The following PRKAG2 variants were observed in gnomAD, a reference collection of about 807,000 sequenced individuals.
The protein encoded by PRKAG2 is 5'-AMP-activated protein kinase subunit gamma-2.
In PRKAG2, 26 loss-of-function variants were observed where a neutral mutation model predicts 69.6. That is an observed-to-expected ratio of 0.37 (90% CI 0.27 to 0.52). The LOEUF is 0.52. PRKAG2 is among the 20% of genes least tolerant of loss of function. PRKAG2 has a pLI of 0.90. For missense variants in PRKAG2, 557 were observed against 740.0 expected (o/e 0.75, Z 2.87); for synonymous variants, 293 against 285.0 (o/e 1.03, Z -0.28).
Position 151,778,965 on chromosome 7 carries a change from AAC to A in PRKAG2, c.466+2185_466+2186del, listed in dbSNP as rs150597786. On this transcript the variant is annotated intron_variant, in intron 3 of 15. Transcript: ENST00000287878. ...CACACATACATCTATACAAATCCAA[AAC>A]ACACACACACACACCCATATATGCT... 2.9e-3 allele frequency among the ~76,000 whole-genome samples: 443 copies of A among 151,520 alleles called. 3 individuals carry two copies. Among genetic ancestry groups the A allele is most frequent in the African/African-American group, 9.4e-3 (387 of 41,332 alleles).
At chr7:151,564,332 C>G in intron 13 of PRKAG2, 108 bp from the exon 14 acceptor site, 1 of 1,220,706 alleles carries the variant, frequency 8.2e-7, no homozygotes, top group Middle Eastern at 2.5e-4. Flanking sequence ...TAATGCTTAT[C>G]TGAATTTAGT....
At position 151,849,048 on chromosome 7, in the gene PRKAG2, G is replaced by A. The variant is rs148346414; in HGVS notation, c.114+27459C>T. 5.6e-4 allele frequency among the ~76,000 whole-genome samples: 85 copies of A among 152,304 alleles called. No homozygotes were observed. The East Asian group carries it at 0.014, about 25-fold the overall frequency. On this transcript the variant is annotated intron_variant, in intron 1 of 15. Transcript: ENST00000287878. ...CACGGTTCCTCTCCCAATGGCTCCT[G>A]CAGGGTGTTCTGAACGAAAATGGGT...
chr7:151,671,016 A>G (rs913373668), intron 4 of PRKAG2, among the ~76,000 whole-genome samples: 6 of 152,142 alleles, frequency 3.9e-5, no homozygotes, highest in South Asian at 2.1e-4. Context: ...TCTACTAAAA[A>G]TATAAAAATT....
chr7:151,562,931 G>A (rs777388094), intron 14 of PRKAG2, among the ~76,000 whole-genome samples: 19 of 149,458 alleles, frequency 1.3e-4, no homozygotes, highest in Non-Finnish European at 2.7e-4. Flanking sequence ...CTCCAGCCTC[G>A]GCGACAGAGC....
At chr7:151,664,279 C>T (rs888394511) in intron 4 of PRKAG2, among the ~76,000 whole-genome samples, 6 of 152,162 alleles carry the variant, frequency 3.9e-5, no homozygotes, top group Admixed American at 2.0e-4. Flanking sequence ...TAACTTTACA[C>T]AATTTTATCT....
intron 3 of PRKAG2, among the ~76,000 whole-genome samples, chr7:151,695,819 G>C (rs1836519355): frequency 6.6e-6 from 1 of 152,136 alleles, no homozygotes; most frequent in South Asian, 2.1e-4. Flanking sequence ...GTTCTTAGCT[G>C]TCCCTGGCCT....
intron 1 of PRKAG2, among the ~76,000 whole-genome samples, chr7:151,829,574 A>G: frequency 6.6e-6 from 1 of 152,022 alleles, no homozygotes; most frequent in East Asian, 1.9e-4. Context: ...TTGTACACAA[A>G]TGTTTGTAGC....
chr7:151,716,257 C>T (rs1225337568), intron 3 of PRKAG2, among the ~76,000 whole-genome samples: 1 of 152,128 alleles, frequency 6.6e-6, no homozygotes, highest in South Asian at 2.1e-4. Flanking sequence ...TTAAGAAAAC[C>T]GGAGATTAGA....
chr7:151,747,781 G>A (rs2074385683), intron 3 of PRKAG2, among the ~76,000 whole-genome samples: 1 of 152,086 alleles, frequency 6.6e-6, no homozygotes, highest in South Asian at 2.1e-4. Context: ...CACTCTTTCA[G>A]ATTGGCTTTA....
At chr7:151,666,134 C>A (rs1831016996) in intron 4 of PRKAG2, among the ~76,000 whole-genome samples, 1 of 152,214 alleles carries the variant, frequency 6.6e-6, no homozygotes, top group African/African-American at 2.4e-5. Flanking sequence ...TCACCAAAAA[C>A]TCAGTGGCTT....
At chr7:151,651,483 T>C (rs1248159290) in intron 4 of PRKAG2, among the ~76,000 whole-genome samples, 1 of 152,162 alleles carries the variant, frequency 6.6e-6, no homozygotes, top group African/African-American at 2.4e-5. Context: ...GGCGAGTGCC[T>C]GTAATCCCAG....
chr7:151,825,361 A>C (rs886467351), intron 1 of PRKAG2, among the ~76,000 whole-genome samples: 3 of 152,234 alleles, frequency 2.0e-5, no homozygotes, highest in Admixed American at 1.3e-4. Context: ...ACTTTATATT[A>C]TTCTCTGATT....
In PRKAG2 at chr7:151,814,665, G is replaced by T. The variant is rs917474452; in HGVS notation, c.115-28124C>A. 1.6e-6 allele frequency: 2 copies of T among 1,231,730 alleles called. No individual in the cohort carries two copies. The highest frequency in any genetic ancestry group is 1.0e-6 in the Non-Finnish European group (1 of 988,020). 76.3% of individuals were successfully genotyped at this position (1,231,730 alleles called of 1,614,324 possible). The stretch of plus-strand genomic sequence containing the variant: ...ATGTCTGCAACAGATGGGGACCGGG[G>T]CTGGGTGTGTTCCCAGTCCCCAAGG... On this transcript the variant is annotated intron_variant, in intron 1 of 15. Coordinates refer to ENST00000287878, the MANE Select transcript of PRKAG2 (RefSeq NM_016203.4). This position sits in a 1 kb window ranked among gnomAD's most constrained non-coding sequence, Gnocchi z 4.8.
chr7:151,790,586 C>A (rs577627032), intron 1 of PRKAG2: 1 of 152,246 alleles, frequency 6.6e-6, no homozygotes, highest in Non-Finnish European at 1.5e-5. Flanking sequence ...CACCCTCTTG[C>A]GCCTGCAGCA....
Position 151,556,803 on chromosome 7 carries a change from G to GC in PRKAG2, c.*397dup. 1 of 198,276 alleles carries GC rather than the reference G, an allele frequency of 5.0e-6. No homozygotes were observed. The highest frequency in any genetic ancestry group is 1.0e-5 in the Non-Finnish European group (1 of 95,942). The allele number at this position is 198,276 out of a possible 1,614,324, so 12.3% of individuals were successfully genotyped here. A position where few individuals can be genotyped will look rare whatever the true frequency, so the allele number is the denominator to read the frequency against. On this transcript the variant is annotated 3_prime_UTR_variant, in exon 16 of 16. Transcript: ENST00000287878. ...GCTCGGTGTTGTTTCACACGCGTGC[G>GC]CCCCGGCTGCGGCGGTGACATATTG...
chr7:151,824,311 C>T (rs2151867836), intron 1 of PRKAG2, among the ~76,000 whole-genome samples: 1 of 152,320 alleles, frequency 6.6e-6, no homozygotes, highest in East Asian at 1.9e-4. Context: ...TTCCCCACTT[C>T]CTGTCATCCT....
At chr7:151,658,693 A>G (rs1241401479) in intron 4 of PRKAG2, among the ~76,000 whole-genome samples, 3 of 152,214 alleles carry the variant, frequency 2.0e-5, no homozygotes, top group African/African-American at 7.2e-5. Flanking sequence ...TCCCAAGCAC[A>G]TTAATGAAGA....
intron 6 of PRKAG2, among the ~76,000 whole-genome samples, chr7:151,589,164 C>T (rs747023136): frequency 5.9e-5 from 9 of 152,348 alleles, no homozygotes; most frequent in Non-Finnish European, 1.0e-4. Flanking sequence ...CTGCAGCTCC[C>T]GTGAGCTCCA....
intron 6 of PRKAG2, among the ~76,000 whole-genome samples, chr7:151,578,871 T>C (rs1219615301): frequency 6.6e-6 from 1 of 152,208 alleles, no homozygotes; most frequent in Non-Finnish European, 1.5e-5. Context: ...ATTGTGGTCC[T>C]AGAATATATT....
Sources: gnomAD v4.1 joint callset for allele counts (sites outside exome capture counted in the v4.1 genomes callset) on GRCh38, gnomAD v4.1.1 for gene constraint, Gnocchi (gnomAD v3.1) non-coding constraint, MANE v1.5 for transcripts, NCBI Gene and HGNC (gene_info 2026-07-23, HGNC 2026-07-21) for gene names.